The following MALRD1 variants were observed in gnomAD, a reference collection of about 807,000 sequenced individuals.
MALRD1 encodes MAM and LDL-receptor class A domain-containing protein 1.
In MALRD1, 247 loss-of-function variants were observed where a neutral mutation model predicts 242.1. That is an observed-to-expected ratio of 1.02 (90% CI 0.92 to 1.13). The LOEUF (loss-of-function observed/expected upper bound fraction) is 1.13. MALRD1 is among the 50% of genes most tolerant of loss of function. The pLI, the probability that MALRD1 is intolerant of heterozygous loss-of-function variation, is 0.00. For synonymous variants in MALRD1, 995 were observed against 866.6 expected, an observed-to-expected ratio of 1.15 and a Z score of -2.60; for missense variants, 2,989 against 2,533.1, an observed-to-expected ratio of 1.18 and a Z score of -3.86.
At chr10:19,397,204 T>C (rs73593899) in intron 28 of MALRD1, among the ~76,000 whole-genome samples, 11,717 of 152,124 alleles carry the variant, frequency 0.077, 931 homozygotes, top group African/African-American at 0.2. Flanking sequence ...TCCTACTAAC[T>C]GTAACTTCAT....
chr10:19,635,270 A>G (rs1173747010), intron 36 of MALRD1, among the ~76,000 whole-genome samples: 1 of 152,228 alleles, frequency 6.6e-6, no homozygotes, highest in Non-Finnish European at 1.5e-5. Context: ...TAACAGAGAC[A>G]GAAAGTGAAA....
chr10:19,473,394 A>G (rs1195868548), intron 29 of MALRD1, among the ~76,000 whole-genome samples: 1 of 151,994 alleles, frequency 6.6e-6, no homozygotes, highest in African/African-American at 2.4e-5. Context: ...GTACATTTAC[A>G]TTGTTCAACC....
intron 19 of MALRD1, among the ~76,000 whole-genome samples, chr10:19,259,043 T>C (rs1182814199): frequency 6.6e-6 from 1 of 152,154 alleles, no homozygotes; most frequent in African/African-American, 2.4e-5. Context: ...CAATTGCTTT[T>C]TAAATGATCT....
At chr10:19,164,718 T>A (rs1028677685) in intron 12 of MALRD1, among the ~76,000 whole-genome samples, 3 of 152,276 alleles carry the variant, frequency 2.0e-5, no homozygotes, top group Middle Eastern at 3.4e-3. Flanking sequence ...GCTCAGTAAA[T>A]ATTGGTTGAA....
Position 19,615,902 on chromosome 10 carries a change from A to T in MALRD1, c.6116A>T (p.Glu2039Val). Residue 2039 changes from glutamate to valine, a missense_variant, in exon 36 of 40, where the codon GAG (glutamate) becomes GTG (valine). Coordinates refer to ENST00000454679, the MANE Select transcript of MALRD1 (RefSeq NM_001142308.3). The stretch of plus-strand genomic sequence containing the variant: ...AGAAATGGTGGGACTTGTGTAGTGG[A>T]GAAAAATGGTCCTATGTGTCGGTAA... ...YCRNGGTCVV[E>V]KNGPMCRCRQ... is the part of the protein sequence containing the mutation. 6.5e-7 allele frequency: 1 copy of T among 1,532,136 alleles called. No individual in the cohort carries two copies. Among genetic ancestry groups the T allele is most frequent in the Admixed American group, 2.0e-5 (1 of 50,720 alleles). 94.9% of individuals were successfully genotyped at this position (1,532,136 alleles called of 1,614,324 possible). A position where few individuals can be genotyped will look rare whatever the true frequency, so the allele number is the denominator to read the frequency against.
chr10:19,497,864 A>G (rs1299285183), intron 30 of MALRD1, among the ~76,000 whole-genome samples: 1 of 151,878 alleles, frequency 6.6e-6, no homozygotes, highest in African/African-American at 2.4e-5. Flanking sequence ...TTCACAGGTG[A>G]CTAGAAATAG....
At chr10:19,617,909 C>T (rs1420563281) in intron 36 of MALRD1, among the ~76,000 whole-genome samples, 1 of 151,978 alleles carries the variant, frequency 6.6e-6, no homozygotes, top group Non-Finnish European at 1.5e-5. Context: ...GGATTTTGTA[C>T]AGATTATTCC....
chr10:19,479,143 A>T (rs1836876171), intron 29 of MALRD1, among the ~76,000 whole-genome samples: 1 of 152,246 alleles, frequency 6.6e-6, no homozygotes, highest in Non-Finnish European at 1.5e-5. Flanking sequence ...TATTGAGTAT[A>T]TAGTGATGAT....
intron 33 of MALRD1, among the ~76,000 whole-genome samples, chr10:19,584,392 T>C (rs1837287158): frequency 6.6e-6 from 1 of 152,044 alleles, no homozygotes; most frequent in African/African-American, 2.4e-5. Flanking sequence ...ACACACTGCT[T>C]TGAATGCGTC....
chr10:19,484,855 C>A (rs1837169303), intron 29 of MALRD1, among the ~76,000 whole-genome samples: 1 of 152,072 alleles, frequency 6.6e-6, no homozygotes. Flanking sequence ...GCATTATTTA[C>A]AAAAGGTACC....
intron 1 of MALRD1, among the ~76,000 whole-genome samples, chr10:19,066,247 T>C (rs1344864369): frequency 6.6e-6 from 1 of 152,182 alleles, no homozygotes; most frequent in Non-Finnish European, 1.5e-5. Context: ...TTTTCTCAAA[T>C]ATTTTTTATC....
chr10:19,252,591 T>C (rs1341872559), intron 18 of MALRD1, among the ~76,000 whole-genome samples: 2 of 152,086 alleles, frequency 1.3e-5, no homozygotes, highest in Admixed American at 6.6e-5. Context: ...TTGTCAGTAA[T>C]CATCTTATAG....
chr10:19,166,248 C>G (rs1007549412), intron 13 of MALRD1, among the ~76,000 whole-genome samples: 7 of 152,312 alleles, frequency 4.6e-5, no homozygotes, highest in African/African-American at 1.7e-4. Context: ...GCCTCACTTT[C>G]TGCTGCCTGG....
At chr10:19,554,734 T>C (rs1486449465) in intron 32 of MALRD1, among the ~76,000 whole-genome samples, 1 of 152,216 alleles carries the variant, frequency 6.6e-6, no homozygotes, top group Non-Finnish European at 1.5e-5. Context: ...TGTTCCTTTT[T>C]ATGGCTGCAT....
intron 33 of MALRD1, among the ~76,000 whole-genome samples, chr10:19,577,310 G>A (rs1836878688): frequency 6.6e-6 from 1 of 152,276 alleles, no homozygotes; most frequent in South Asian, 2.1e-4. Flanking sequence ...AGTCCTTACT[G>A]TTTGTCAAAA....
intron 33 of MALRD1, among the ~76,000 whole-genome samples, chr10:19,583,863 T>C (rs1442494737): frequency 5.3e-5 from 8 of 152,140 alleles, no homozygotes; most frequent in African/African-American, 1.7e-4. Context: ...CTGGACTCTT[T>C]TTGGTTGGTA....
chr10:19,197,076 C>T (rs540039433), intron 14 of MALRD1, among the ~76,000 whole-genome samples: 1 of 152,124 alleles, frequency 6.6e-6, no homozygotes, highest in African/African-American at 2.4e-5. Flanking sequence ...GAAGGGGAAG[C>T]AAGGCACGTC....
At chr10:19,260,988 T>TA (rs1230070160) in intron 19 of MALRD1, among the ~76,000 whole-genome samples, 1 of 152,190 alleles carries the variant, frequency 6.6e-6, no homozygotes, top group East Asian at 1.9e-4. Context: ...ACTGTGATTT[T>TA]ACCTAAGCTG....
At chr10:19,389,304 A>G in intron 27 of MALRD1, 148 bp from the exon 28 acceptor site, 1 of 876,554 alleles carries the variant, frequency 1.1e-6, no homozygotes. Flanking sequence ...AGGCGAGGCT[A>G]TTAGATTTTC....
Sources: allele counts gnomAD v4.1 joint callset (sites outside exome capture counted in the v4.1 genomes callset), GRCh38; gene constraint gnomAD v4.1.1; transcripts MANE v1.5; gene names NCBI Gene and HGNC (gene_info 2026-07-23, HGNC 2026-07-21).